MMP20: variants seen among roughly 807,000 people sequenced by gnomAD.
MMP20 encodes the protein matrix metallopeptidase 20.
In MMP20, 50 loss-of-function variants were observed where a neutral mutation model predicts 51.8. That is an observed-to-expected ratio of 0.97 (90% CI 0.77 to 1.22). MMP20 has a LOEUF of 1.22. Among genes scored for constraint, MMP20 ranks in the 50% most tolerant of loss-of-function variants. The pLI is 0.00. For missense variants in MMP20, 663 were observed against 601.4 expected (o/e 1.10, Z -1.07); for synonymous variants, 244 against 216.2 (o/e 1.13, Z -1.13).
In MMP20 at chr11:102,609,944, G is replaced by T. The variant is rs756259157; in HGVS notation, c.610C>A (p.His204Asn). The change falls in exon 4 of 10, where the codon CAT becomes AAT. Residue 204 changes from histidine to asparagine, a missense_variant. By Grantham distance (68) the His-to-Asn change is moderately conservative. Coordinates refer to ENST00000260228, the MANE Select transcript of MMP20 (RefSeq NM_004771.4). ...APGEGLGGDT[H>N]FDNAEKWTMG... ...GTCCACTTCTCAGCATTGTCGAAATGTGTATCTCCTCCCAGGCCTTCTCCA... is the reference window on the plus strand; with the variant it reads ...GTCCACTTCTCAGCATTGTCGAAATTTGTATCTCCTCCCAGGCCTTCTCCA... 1 of 1,614,142 alleles carries T rather than the reference G, an allele frequency of 6.2e-7. No individual in the cohort carries two copies. Among genetic ancestry groups the T allele is most frequent in the South Asian group, 1.1e-5 (1 of 91,082 alleles).
At chr11:102,578,084 A>G (rs1365649893) in intron 9 of MMP20, among the ~76,000 whole-genome samples, 1 of 151,794 alleles carries the variant, frequency 6.6e-6, no homozygotes, top group Non-Finnish European at 1.5e-5. Context: ...TTTCCTAGCT[A>G]TGTGTTAAAT....
At chr11:102,601,125 CTTT>C (rs1168517234) in intron 6 of MMP20, among the ~76,000 whole-genome samples, 47 of 28,266 alleles carry the variant, frequency 1.7e-3, no homozygotes, top group African/African-American at 7.9e-3. Flanking sequence ...GTCGGCTATT[CTTT>C]TTTTTTTTTT....
At chr11:102,591,388 G>A (rs760409027) in intron 8 of MMP20, among the ~76,000 whole-genome samples, 2 of 152,280 alleles carry the variant, frequency 1.3e-5, no homozygotes, top group Non-Finnish European at 2.9e-5. Flanking sequence ...TGACTGAATC[G>A]CCGCTCAGAG....
chr11:102,579,871 A>G (rs1487742295), intron 8 of MMP20, among the ~76,000 whole-genome samples: 7 of 152,106 alleles, frequency 4.6e-5, no homozygotes. Context: ...TGTTGTAATT[A>G]TTTCTCTATC....
At chr11:102,619,550 T>C (rs1296671663) in intron 1 of MMP20, among the ~76,000 whole-genome samples, 1 of 147,198 alleles carries the variant, frequency 6.8e-6, no homozygotes, top group African/African-American at 2.5e-5. Flanking sequence ...AGATAAATCA[T>C]AATTTAATGC....
intron 3 of MMP20, among the ~76,000 whole-genome samples, 184 bp downstream of exon 3, chr11:102,611,571 A>G (rs1259627949): frequency 6.6e-6 from 1 of 152,246 alleles, no homozygotes; most frequent in African/African-American, 2.4e-5. Context: ...AGACATGCTA[A>G]GAACTCCTTT....
chr11:102,621,226 T>C (rs1399809618), intron 1 of MMP20, among the ~76,000 whole-genome samples: 1 of 152,242 alleles, frequency 6.6e-6, no homozygotes, highest in Non-Finnish European at 1.5e-5. Flanking sequence ...GGCCTTCCCA[T>C]GTTATGGCTA....
In MMP20 at chr11:102,593,532, A is replaced by G. The variant is rs908227750; in HGVS notation, c.1154T>C (p.Phe385Ser). Reference protein sequence around the residue: ...MQGPPRTIYDFGFPRHVQQID... With the variant: ...MQGPPRTIYDSGFPRHVQQID... ...TTGCTGCACGTGCCTTGGAAATCCA[A>G]AGTCATAAATAGTCCGAGGAGGACC... is the stretch of plus-strand genomic sequence containing the variant. The change falls in exon 8 of 10, where the codon TTT (phenylalanine) becomes TCT (serine). Residue 385 changes from phenylalanine to serine, a missense_variant. Physicochemically the swap from Phe to Ser is radical, Grantham distance 155. Transcript: ENST00000260228. 6.2e-7 allele frequency: 1 copy of G among 1,614,164 alleles called. No individual in the cohort carries two copies. Among genetic ancestry groups the G allele is most frequent in the Non-Finnish European group, 8.5e-7 (1 of 1,180,010 alleles).
intron 8 of MMP20, among the ~76,000 whole-genome samples, chr11:102,587,598 C>T (rs1859269387): frequency 2.0e-5 from 3 of 152,106 alleles, no homozygotes; most frequent in African/African-American, 7.2e-5. Context: ...TCATTTCTGT[C>T]AATTACTGCT....
At chr11:102,588,553 C>T (rs530811576) in intron 8 of MMP20, among the ~76,000 whole-genome samples, 1 of 152,156 alleles carries the variant, frequency 6.6e-6, no homozygotes, top group South Asian at 2.1e-4. Context: ...ATGTCATAGC[C>T]TTAACAATAC....
intron 5 of MMP20, 92 bp from the exon 6 acceptor site, chr11:102,606,768 C>T: frequency 1.4e-6 from 2 of 1,431,192 alleles, no homozygotes; most frequent in Non-Finnish European, 2.0e-6. Flanking sequence ...TGTACACTTT[C>T]ACGCTGGACA....
intron 5 of MMP20, 53 bp downstream of exon 5, chr11:102,608,884 A>C (rs1329096655): frequency 7.0e-6 from 11 of 1,571,930 alleles, no homozygotes; most frequent in Non-Finnish European, 9.6e-6. Context: ...TAATTCGGAG[A>C]CTGAATGCCT....
chr11:102,618,276 G>T (rs1859700754), intron 1 of MMP20, among the ~76,000 whole-genome samples: 1 of 151,614 alleles, frequency 6.6e-6, no homozygotes. Context: ...AGCACTGATT[G>T]TATTTAATTA....
At chr11:102,604,418 A>G (rs1302760961) in intron 6 of MMP20, among the ~76,000 whole-genome samples, 1 of 152,226 alleles carries the variant, frequency 6.6e-6, no homozygotes, top group Non-Finnish European at 1.5e-5. Flanking sequence ...TTAATAACAC[A>G]AAAGAATAAA....
intron 5 of MMP20, chr11:102,608,129 A>G (rs1428262324): frequency 3.3e-5 from 5 of 152,146 alleles, no homozygotes; most frequent in Admixed American, 3.3e-4. Flanking sequence ...CTGGGTCTCT[A>G]GGCACTGAGA....
chr11:102,579,539 T>C (rs571465904), intron 8 of MMP20, among the ~76,000 whole-genome samples: 1 of 152,282 alleles, frequency 6.6e-6, no homozygotes, highest in African/African-American at 2.4e-5. Flanking sequence ...CTCAAACTCC[T>C]GGTCTCAAGC....
At chr11:102,613,284 G>A (rs570782669) in intron 2 of MMP20, among the ~76,000 whole-genome samples, 2 of 152,300 alleles carry the variant, frequency 1.3e-5, no homozygotes, top group South Asian at 2.1e-4. Flanking sequence ...ACTTCTACCC[G>A]AGACCTTGGG....
intron 8 of MMP20, among the ~76,000 whole-genome samples, chr11:102,591,521 T>G (rs563996484): frequency 6.6e-6 from 1 of 151,750 alleles, no homozygotes; most frequent in Non-Finnish European, 1.5e-5. Context: ...ATGCAGACCT[T>G]GCTAGGTATC....
chr11:102,588,644 C>A (rs2135931203), intron 8 of MMP20, among the ~76,000 whole-genome samples: 1 of 152,224 alleles, frequency 6.6e-6, no homozygotes, highest in South Asian at 2.1e-4. Flanking sequence ...AAGAAATATG[C>A]ATTTATACTG....
Sources: gnomAD v4.1 joint callset for allele counts (sites outside exome capture counted in the v4.1 genomes callset) on GRCh38, gnomAD v4.1.1 for gene constraint, MANE v1.5 for transcripts, NCBI Gene and HGNC (gene_info 2026-07-23, HGNC 2026-07-21) for gene names.